Variants in C12orf42 observed in about 807,000 individuals in gnomAD.
C12orf42 encodes the protein uncharacterized protein C12orf42.
C12orf42 carries 25 observed loss-of-function variants against 21.6 expected under a neutral mutation model. The ratio of observed to expected loss-of-function variants is 1.16; its 90% CI spans 0.84 to 1.62. C12orf42 has a LOEUF of 1.62. Ranked by LOEUF, C12orf42 falls within the 40% of genes most tolerant of loss-of-function variation. The pLI is 0.00. For missense variants in C12orf42, 483 were observed against 459.3 expected, an observed-to-expected ratio of 1.05 and a Z score of -0.47; for synonymous variants, 174 against 175.0, an observed-to-expected ratio of 0.99 and a Z score of 0.05.
the C12orf42 span, among the ~76,000 whole-genome samples, chr12:103,513,151 G>A: frequency 6.6e-6 from 1 of 152,140 alleles, no homozygotes; most frequent in Admixed American, 6.5e-5. Flanking sequence ...TGAGGCAGGT[G>A]TTCCGGAGCT....
chr12:103,433,982 A>G lies in C12orf42; in HGVS notation c.79-32307T>C, dbSNP rs868131438. Among the ~76,000 whole-genome samples the G allele has an allele frequency of 3.3e-4, 51 of 152,348 alleles. 1 individual carries two copies. The highest frequency in any genetic ancestry group is 2.3e-3 in the South Asian group (11 of 4,822). Reference sequence around the variant, plus strand: ...GGCATGATGTTCGAGAATTTCTATAAGAGTTTTAAAACTAACTTGGTTCTC... The same window carrying G: ...GGCATGATGTTCGAGAATTTCTATAGGAGTTTTAAAACTAACTTGGTTCTC... On this transcript the variant is annotated intron_variant, in intron 2 of 5. Coordinates refer to ENST00000548883, the MANE Select transcript of C12orf42 (RefSeq NM_198521.5).
intron 2 of C12orf42, among the ~76,000 whole-genome samples, chr12:103,456,023 A>G (rs1281410519): frequency 1.3e-5 from 2 of 152,146 alleles, no homozygotes; most frequent in Non-Finnish European, 2.9e-5. Context: ...AGGGAACAAT[A>G]GAAGCACAGG....
chr12:103,282,614 A>C (rs1296958399), intron 4 of C12orf42, among the ~76,000 whole-genome samples: 1 of 152,196 alleles, frequency 6.6e-6, no homozygotes, highest in Non-Finnish European at 1.5e-5. Flanking sequence ...AAATTACCTA[A>C]TGATGCATTT....
chr12:103,487,425 T>G (rs1344308169), intron 1 of C12orf42, among the ~76,000 whole-genome samples: 1 of 152,246 alleles, frequency 6.6e-6, no homozygotes, highest in African/African-American at 2.4e-5. Flanking sequence ...GAAGAATGTA[T>G]ATTCTGTTGA....
At chr12:103,074,200 G>T in the C12orf42 span, among the ~76,000 whole-genome samples, 1 of 152,210 alleles carries the variant, frequency 6.6e-6, no homozygotes, top group South Asian at 2.1e-4. Flanking sequence ...CCAGAGGGCT[G>T]AGGATGAAAA....
upstream of C12orf42, among the ~76,000 whole-genome samples, chr12:103,498,231 G>A (rs187493465): frequency 2.2e-3 from 339 of 152,310 alleles, 3 homozygotes; most frequent in African/African-American, 7.7e-3. Flanking sequence ...GTACAGAGAA[G>A]GCATCAGGTA....
chr12:103,394,273 C>T (rs934047171), intron 3 of C12orf42, among the ~76,000 whole-genome samples: 4 of 152,178 alleles, frequency 2.6e-5, no homozygotes, highest in Admixed American at 2.6e-4. Flanking sequence ...TCAAATTACT[C>T]TCTTATAAAA....
chr12:103,050,798 A>T, the C12orf42 span, among the ~76,000 whole-genome samples: 1 of 152,124 alleles, frequency 6.6e-6, no homozygotes, highest in Non-Finnish European at 1.5e-5. Context: ...TTATAAAAAC[A>T]GTTTTTGAAG....
intron 2 of C12orf42, among the ~76,000 whole-genome samples, chr12:103,422,013 G>T (rs1056349413): frequency 6.6e-6 from 1 of 152,146 alleles, no homozygotes; most frequent in Admixed American, 6.6e-5. Flanking sequence ...TATGTATAAT[G>T]AAGTATTGAA....
chr12:103,493,698 A>G (rs946313204), intron 1 of C12orf42, among the ~76,000 whole-genome samples: 9 of 144,276 alleles, frequency 6.2e-5, no homozygotes, highest in African/African-American at 2.3e-4. Context: ...AGAACACGAA[A>G]AAAGCAAAAG....
At chr12:103,456,979 C>T (rs1400361117) in intron 2 of C12orf42, among the ~76,000 whole-genome samples, 2 of 151,982 alleles carry the variant, frequency 1.3e-5, no homozygotes, top group African/African-American at 2.4e-5. Flanking sequence ...TTATTTGATC[C>T]AAACACTGTT....
the C12orf42 span, among the ~76,000 whole-genome samples, chr12:103,173,049 A>C: frequency 7.2e-5 from 11 of 152,160 alleles, no homozygotes; most frequent in African/African-American, 2.7e-4. Context: ...TTAGCACCAC[A>C]GTGGCTGTTA....
upstream of C12orf42, among the ~76,000 whole-genome samples, chr12:103,500,537 G>A (rs539600928): frequency 6.6e-5 from 10 of 152,334 alleles, no homozygotes; most frequent in African/African-American, 2.4e-4. Context: ...AATAAGAGAG[G>A]CAGCAAAAGA....
At chr12:103,350,137 A>G (rs1244238575) in intron 4 of C12orf42, among the ~76,000 whole-genome samples, 1 of 151,970 alleles carries the variant, frequency 6.6e-6, no homozygotes, top group African/African-American at 2.4e-5. Flanking sequence ...TATACAGAAG[A>G]CCCCCTTATC....
chr12:103,220,440 A>G, the C12orf42 span, among the ~76,000 whole-genome samples: 1 of 152,116 alleles, frequency 6.6e-6, no homozygotes, highest in Non-Finnish European at 1.5e-5. Context: ...ACCAATAAAT[A>G]TATATATTTA....
chr12:103,323,589 C>G (rs1253968619), intron 4 of C12orf42, among the ~76,000 whole-genome samples: 1 of 152,134 alleles, frequency 6.6e-6, no homozygotes, highest in Non-Finnish European at 1.5e-5. Flanking sequence ...CAGTTATAGT[C>G]CTGGCAGAGT....
the C12orf42 span, among the ~76,000 whole-genome samples, chr12:103,098,615 T>C: frequency 6.6e-6 from 1 of 152,240 alleles, no homozygotes; most frequent in African/African-American, 2.4e-5. Flanking sequence ...TTTGCTTACC[T>C]TGACATCGTG....
chr12:103,182,049 C>G, the C12orf42 span, among the ~76,000 whole-genome samples: 1 of 152,032 alleles, frequency 6.6e-6, no homozygotes, highest in African/African-American at 2.4e-5. Flanking sequence ...GATTAGTAAT[C>G]GTAGGGTTTT....
chr12:103,265,799 C>CTTGTTTTGTTT (rs557556404), downstream of C12orf42, among the ~76,000 whole-genome samples: 1 of 150,172 alleles, frequency 6.7e-6, no homozygotes, highest in Non-Finnish European at 1.5e-5. Context: ...ATTTCTTAGG[C>CTTGTTTTGTTT]TGTTTTGTTT....
Sources: allele counts gnomAD v4.1 joint callset (sites outside exome capture counted in the v4.1 genomes callset), GRCh38; gene constraint gnomAD v4.1.1; transcripts MANE v1.5; gene names NCBI Gene and HGNC (gene_info 2026-07-23, HGNC 2026-07-21).